The following CDH13 variants were observed in gnomAD, a reference collection of about 807,000 sequenced individuals.
CDH13 encodes cadherin 13.
Under a neutral mutation model 63.8 loss-of-function variants are expected in CDH13, and 24 were observed. The ratio of observed to expected loss-of-function variants is 0.38; its 90% CI spans 0.27 to 0.53. CDH13 has a LOEUF of 0.53. Ranked by LOEUF, CDH13 falls within the 20% of genes least tolerant of loss-of-function variation. CDH13 has a pLI of 0.85. For synonymous variants in CDH13, 503 were observed against 355.3 expected (o/e 1.42, Z -4.67); for missense variants, 1,049 against 903.1 (o/e 1.16, Z -2.07).
At chr16:83,126,543 C>A (rs1356462542) in intron 4 of CDH13, among the ~76,000 whole-genome samples, 1 of 152,112 alleles carries the variant, frequency 6.6e-6, no homozygotes, top group East Asian at 1.9e-4. Context: ...AAAGAGGACT[C>A]TTTCCAAATA....
chr16:83,253,386 C>T (rs1003471932), intron 5 of CDH13, among the ~76,000 whole-genome samples: 3 of 152,132 alleles, frequency 2.0e-5, no homozygotes, highest in Non-Finnish European at 4.4e-5. Flanking sequence ...CCTCAACTGC[C>T]CAGGTTTCTT....
At chr16:83,122,151 G>C (rs1412411893) in intron 3 of CDH13, among the ~76,000 whole-genome samples, 1 of 152,194 alleles carries the variant, frequency 6.6e-6, no homozygotes, top group Non-Finnish European at 1.5e-5. Flanking sequence ...TTTGCATATT[G>C]GAAATGATAT....
intron 7 of CDH13, among the ~76,000 whole-genome samples, chr16:83,557,335 T>TA (rs2075624753): frequency 6.6e-6 from 1 of 152,144 alleles, no homozygotes; most frequent in African/African-American, 2.4e-5. Context: ...GTAATAATAA[T>TA]AGAAATAAAG....
chr16:83,564,496 C>T (rs1006576987), intron 7 of CDH13, among the ~76,000 whole-genome samples: 10 of 149,868 alleles, frequency 6.7e-5, no homozygotes, highest in Non-Finnish European at 1.5e-4. Context: ...GCAACCTCTG[C>T]CTCCCGGGTT....
intron 3 of CDH13, among the ~76,000 whole-genome samples, chr16:83,103,148 C>G (rs1009610968): frequency 5.4e-5 from 8 of 148,026 alleles, no homozygotes; most frequent in African/African-American, 2.0e-4. Flanking sequence ...AGATGGGGTT[C>G]CACCATGTTG....
intron 2 of CDH13, among the ~76,000 whole-genome samples, chr16:83,030,606 G>A (rs948662967): frequency 7.5e-6 from 1 of 133,950 alleles, no homozygotes; most frequent in African/African-American, 2.9e-5. Context: ...TCGCGCCACT[G>A]CACTCCAGTC....
chr16:83,445,311 T>TTATAATTTATAAAA (rs1238620682), intron 6 of CDH13, among the ~76,000 whole-genome samples: 27 of 150,022 alleles, frequency 1.8e-4, no homozygotes, highest in Non-Finnish European at 2.5e-4. Context: ...ATAAAAGGTT[T>TTATAATTTATAAAA]GCATCATTTT....
intron 5 of CDH13, among the ~76,000 whole-genome samples, chr16:83,219,169 A>ATCTTGTCCATAAGTATGAT (rs2039624153): frequency 6.6e-6 from 1 of 152,108 alleles, no homozygotes; most frequent in Non-Finnish European, 1.5e-5. Context: ...ACCCTCCCTG[A>ATCTTGTCCATAAGTATGAT]TCTTGGGATT....
intron 1 of CDH13, among the ~76,000 whole-genome samples, chr16:82,792,585 G>C (rs537820542): frequency 5.9e-5 from 9 of 152,174 alleles, no homozygotes; most frequent in African/African-American, 2.2e-4. Context: ...CCCCTAGATA[G>C]AAGGCAAGTG....
chr16:83,400,437 G>A (rs1409443380), intron 6 of CDH13, among the ~76,000 whole-genome samples: 4 of 152,162 alleles, frequency 2.6e-5, no homozygotes, highest in South Asian at 2.1e-4. Flanking sequence ...GTCATAGTGC[G>A]GAGCTCTGTG....
At chr16:82,754,056 C>G (rs1165942829) in intron 1 of CDH13, among the ~76,000 whole-genome samples, 1 of 152,160 alleles carries the variant, frequency 6.6e-6, no homozygotes, top group African/African-American at 2.4e-5. Flanking sequence ...ATGAAAAGTA[C>G]AAAGGTACAG....
intron 1 of CDH13, among the ~76,000 whole-genome samples, chr16:82,815,812 T>C (rs1387832570): frequency 6.6e-6 from 1 of 152,172 alleles, no homozygotes; most frequent in East Asian, 1.9e-4. Context: ...TTGAGGTTTG[T>C]TCAATGCATT....
At chr16:83,760,192 G>T (rs188278720) in intron 11 of CDH13, among the ~76,000 whole-genome samples, 37 of 152,260 alleles carry the variant, frequency 2.4e-4, no homozygotes, top group Non-Finnish European at 2.6e-4. Flanking sequence ...TGGCTGAAAT[G>T]AAAAGATGAA....
At chr16:83,530,150 A>G (rs2075052012) in intron 7 of CDH13, among the ~76,000 whole-genome samples, 1 of 152,142 alleles carries the variant, frequency 6.6e-6, no homozygotes, top group Admixed American at 6.6e-5. Context: ...ATTTGAAATG[A>G]GCATTTTGGG....
chr16:83,190,842 T>C (rs998889007), intron 4 of CDH13, among the ~76,000 whole-genome samples: 35 of 152,200 alleles, frequency 2.3e-4, no homozygotes, highest in South Asian at 1.2e-3. Context: ...ATTGATTTCT[T>C]TCCCATCTTC....
At chr16:82,694,568 A>G (rs2030026695) in intron 1 of CDH13, among the ~76,000 whole-genome samples, 1 of 152,122 alleles carries the variant, frequency 6.6e-6, no homozygotes, top group African/African-American at 2.4e-5. Flanking sequence ...CCTTCCTCCC[A>G]GGCCCATTCC....
chr16:82,895,806 C>T (rs1024427750), intron 2 of CDH13, among the ~76,000 whole-genome samples: 4 of 151,892 alleles, frequency 2.6e-5, no homozygotes, highest in Non-Finnish European at 5.9e-5. Flanking sequence ...GGAGCTTGAA[C>T]ACGTCCACAG....
At chr16:83,053,110 C>T (rs1248914816) in intron 3 of CDH13, among the ~76,000 whole-genome samples, 1 of 152,106 alleles carries the variant, frequency 6.6e-6, no homozygotes, top group Non-Finnish European at 1.5e-5. Context: ...TGAGATAATT[C>T]ATGTGAGGCT....
chr16:83,334,075 C>T (rs79090852), intron 5 of CDH13, among the ~76,000 whole-genome samples: 2,531 of 152,164 alleles, frequency 0.017, 68 homozygotes, highest in African/African-American at 0.054. Flanking sequence ...CTAAAGGCCA[C>T]GCACATTCCT....
Sources: allele counts gnomAD v4.1 joint callset (sites outside exome capture counted in the v4.1 genomes callset), GRCh38; gene constraint gnomAD v4.1.1; transcripts MANE v1.5; gene names NCBI Gene and HGNC (gene_info 2026-07-23, HGNC 2026-07-21).